Variants in ZFAT observed in about 807,000 individuals in gnomAD.
ZFAT encodes zinc finger protein ZFAT.
ZFAT carries 64 observed loss-of-function variants against 117.7 expected under a neutral mutation model. The observed-to-expected ratio is 0.54, with a 90% CI of 0.44 to 0.67. The LOEUF (loss-of-function observed/expected upper bound fraction) is 0.67. Ranked by LOEUF, ZFAT falls within the 30% of genes least tolerant of loss-of-function variation. ZFAT has a pLI of 0.00. For synonymous variants in ZFAT, 679 were observed against 615.0 expected (o/e 1.10, Z -1.54); for missense variants, 1,433 against 1,584.5 (o/e 0.90, Z 1.62).
At chr8:134,722,393 T>A in the ZFAT span, among the ~76,000 whole-genome samples, 1 of 152,214 alleles carries the variant, frequency 6.6e-6, no homozygotes, top group Admixed American at 6.5e-5. Context: ...GCCAGCATCA[T>A]TCAGGTGGCT....
At chr8:134,770,478 C>A in the ZFAT span, among the ~76,000 whole-genome samples, 15 of 152,306 alleles carry the variant, frequency 9.8e-5, no homozygotes, top group South Asian at 1.2e-3. Context: ...ATTTCCTATG[C>A]CTGTCTTTAC....
chr8:134,525,810 A>T (rs147636195), intron 12 of ZFAT, among the ~76,000 whole-genome samples: 1 of 152,328 alleles, frequency 6.6e-6, no homozygotes, highest in East Asian at 1.9e-4. Context: ...ACAAACACTA[A>T]ATTCTTAAAT....
intron 12 of ZFAT, among the ~76,000 whole-genome samples, chr8:134,527,605 C>T (rs1293526999): frequency 6.6e-5 from 10 of 152,196 alleles, no homozygotes; most frequent in African/African-American, 1.9e-4. Flanking sequence ...AGAAATTAAC[C>T]GGAAGTCACA....
chr8:134,776,658 C>G, the ZFAT span, among the ~76,000 whole-genome samples: 1 of 152,188 alleles, frequency 6.6e-6, no homozygotes, highest in African/African-American at 2.4e-5. Flanking sequence ...GTAGCAGTTA[C>G]GTACGAAGCC....
intron 1 of ZFAT, among the ~76,000 whole-genome samples, chr8:134,660,190 G>T (rs1429503974): frequency 1.3e-5 from 2 of 152,174 alleles, no homozygotes; most frequent in Non-Finnish European, 2.9e-5. Flanking sequence ...TCCAAAGGTA[G>T]GAAACTGAGG....
intron 1 of ZFAT, among the ~76,000 whole-genome samples, chr8:134,687,064 G>A (rs1044376683): frequency 6.6e-6 from 1 of 152,172 alleles, no homozygotes; most frequent in African/African-American, 2.4e-5. Context: ...CCACCCTGCA[G>A]GGACACAATA....
intron 11 of ZFAT, among the ~76,000 whole-genome samples, chr8:134,553,231 T>C (rs1823315177): frequency 6.6e-6 from 1 of 152,152 alleles, no homozygotes; most frequent in Admixed American, 6.5e-5. Flanking sequence ...TCTCAGCCGG[T>C]GCAGTGACTC....
chr8:134,697,490 G>A (rs1195766324), intron 1 of ZFAT, among the ~76,000 whole-genome samples: 2 of 149,684 alleles, frequency 1.3e-5, no homozygotes, highest in Non-Finnish European at 3.0e-5. Context: ...CACTTTGGGA[G>A]GCCGAGGTGG....
Position 134,600,610 on chromosome 8 carries a change from T to C in ZFAT, c.2301A>G (p.Glu767=). 1.2e-6 allele frequency: 2 copies of C among 1,613,810 alleles called. No individual in the cohort carries two copies. Among genetic ancestry groups the C allele is most frequent in the Non-Finnish European group, 1.7e-6 (2 of 1,179,872 alleles). Residue 767 remains glutamate, a synonymous_variant, in exon 7 of 16, where the codon GAA becomes GAG. Transcript: ENST00000377838. ...FDMHVRTHTR[E]HLYYCSQCHY... Reference sequence around the variant, plus strand: ...GACACTGAGAGCAATAATACAGATGTTCCCGGGTGTGGGTGCGGACATGCA... The same window carrying C: ...GACACTGAGAGCAATAATACAGATGCTCCCGGGTGTGGGTGCGGACATGCA...
intron 11 of ZFAT, among the ~76,000 whole-genome samples, chr8:134,563,563 C>T (rs1267971538): frequency 1.3e-5 from 2 of 152,186 alleles, no homozygotes; most frequent in Non-Finnish European, 2.9e-5. Context: ...CTCAGAAGTG[C>T]TGAATGCAGG....
At chr8:134,809,184 T>C in the ZFAT span, among the ~76,000 whole-genome samples, 4 of 152,180 alleles carry the variant, frequency 2.6e-5, no homozygotes, top group African/African-American at 9.7e-5. Flanking sequence ...TGGTTCTCAA[T>C]GCACTCTCCT....
At position 134,637,529 on chromosome 8, in the gene ZFAT, T is replaced by C. The variant is rs1830291983; in HGVS notation, c.380A>G (p.Asn127Ser). 4 of 1,614,214 alleles carry C rather than the reference T, an allele frequency of 2.5e-6. No homozygotes were observed. The highest frequency in any genetic ancestry group is 2.2e-5 in the South Asian group (2 of 91,088). ...ECSKCCRKFS[N>S]TRQLRKHICI... ...GATGTGCTTCCGCAGCTGGCGCGTG[T>C]TGGAGAACTTCCGACAGCACTTGCT... is the stretch of plus-strand genomic sequence containing the variant. The change falls in exon 3 of 16, where the codon AAC (asparagine) becomes AGC (serine). Residue 127 changes from asparagine to serine, a missense_variant. Physicochemically the swap from Asn to Ser is conservative, Grantham distance 46. Around this residue, in one of 5 missense-constraint regions of ZFAT, gnomAD observed 436 missense variants for 482.0 expected, o/e 0.90. Coordinates refer to ENST00000377838, the MANE Select transcript of ZFAT (RefSeq NM_020863.4).
intron 12 of ZFAT, among the ~76,000 whole-genome samples, chr8:134,525,931 G>A (rs1372663): frequency 0.14 from 20,899 of 152,230 alleles, 1,847 homozygotes; most frequent in Non-Finnish European, 0.19. Context: ...CTTGCCCAGA[G>A]GATAAACTTC....
At chr8:134,805,035 G>A in the ZFAT span, 2 of 405,310 alleles carry the variant, frequency 4.9e-6, no homozygotes, top group Admixed American at 5.3e-5. Flanking sequence ...AATTTCTAGT[G>A]CTGAACAATA....
chr8:134,818,718 G>A, the ZFAT span, among the ~76,000 whole-genome samples: 1 of 152,140 alleles, frequency 6.6e-6, no homozygotes, highest in Non-Finnish European at 1.5e-5. Flanking sequence ...AAGGTGAATG[G>A]ATACACAAAA....
At chr8:134,520,666 A>C (rs1266704442) in intron 13 of ZFAT, among the ~76,000 whole-genome samples, 3 of 152,196 alleles carry the variant, frequency 2.0e-5, no homozygotes, top group Non-Finnish European at 4.4e-5. Flanking sequence ...AAGAGAGTCT[A>C]AATTCAACCC....
the ZFAT span, among the ~76,000 whole-genome samples, chr8:134,755,843 GA>G: frequency 1.7e-3 from 233 of 135,750 alleles, no homozygotes; most frequent in African/African-American, 5.2e-3. Context: ...AAAAGAAAAA[GA>G]AAAAAAAAAG....
chr8:134,641,992 G>A lies in ZFAT; in HGVS notation c.197-4280C>T, dbSNP rs139726098. Among the ~76,000 whole-genome samples the A allele has an allele frequency of 2.4e-3, 372 of 152,250 alleles. 2 individuals are homozygous for A. Among genetic ancestry groups the A allele is most frequent in the African/African-American group, 8.5e-3 (353 of 41,534 alleles). On this transcript the variant is annotated intron_variant, in intron 2 of 15. Transcript: ENST00000377838. Reference sequence around the variant, plus strand: ...CCAACATTATCAACAATTTAATAACGTAAGCCCTTTATTTGTGCATCACTC... The same window carrying A: ...CCAACATTATCAACAATTTAATAACATAAGCCCTTTATTTGTGCATCACTC...
At chr8:134,542,165 T>A (rs1395956364) in intron 11 of ZFAT, among the ~76,000 whole-genome samples, 1 of 152,194 alleles carries the variant, frequency 6.6e-6, no homozygotes, top group Non-Finnish European at 1.5e-5. Context: ...ACTCTCCCTC[T>A]ATCCGGAACA....
Sources: gnomAD v4.1 joint callset for allele counts (sites outside exome capture counted in the v4.1 genomes callset) on GRCh38, gnomAD v4.1.1 for gene constraint, gnomAD v4.1.1 regional missense constraint, MANE v1.5 for transcripts, NCBI Gene and HGNC (gene_info 2026-07-23, HGNC 2026-07-21) for gene names.